SDC1: variants seen among roughly 807,000 people sequenced by gnomAD.
The protein encoded by SDC1 is syndecan 1, also known as syndecan-1.
SDC1 carries 14 observed loss-of-function variants against 29.7 expected under a neutral mutation model. The observed-to-expected ratio is 0.47, with a 90% confidence interval of 0.31 to 0.74. The LOEUF is 0.74. Among genes scored for constraint, SDC1 ranks in the 30% least tolerant of loss-of-function variants. The pLI is 0.05. For synonymous variants in SDC1, 204 were observed against 175.5 expected (o/e 1.16, Z -1.29); for missense variants, 406 against 400.3 (o/e 1.01, Z -0.12).
chr2:20,204,364 G>T lies in SDC1; in HGVS notation c.149-73C>A. On this transcript the variant is annotated intron_variant, in intron 2 of 4. Coordinates refer to ENST00000254351, the MANE Select transcript of SDC1 (RefSeq NM_002997.5). ...GACCAGAAGCAGAGTGTGTTGGGTGGGTCGGGGGAGGCTCCAGAGCACCTG... is the reference window on the plus strand; with the variant it reads ...GACCAGAAGCAGAGTGTGTTGGGTGTGTCGGGGGAGGCTCCAGAGCACCTG... 4 of 952,698 alleles carry T rather than the reference G, an allele frequency of 4.2e-6. No individual in the cohort carries two copies. The South Asian group carries it at 4.3e-5, about 10-fold the overall frequency. 59.0% of individuals were successfully genotyped at this position (952,698 alleles called of 1,614,324 possible). A position where few individuals can be genotyped will look rare whatever the true frequency, so the allele number is the denominator to read the frequency against.
intron 1 of SDC1, among the ~76,000 whole-genome samples, chr2:20,218,341 A>AG (rs1558437710): frequency 6.6e-6 from 1 of 152,226 alleles, no homozygotes; most frequent in African/African-American, 2.4e-5. Context: ...AAAAGAGAAA[A>AG]GGCCACCAGC....
chr2:20,213,274 C>T (rs1299442450), intron 1 of SDC1, among the ~76,000 whole-genome samples: 1 of 152,136 alleles, frequency 6.6e-6, no homozygotes, highest in African/African-American at 2.4e-5. Flanking sequence ...CCTCTGCTTT[C>T]CCCCCCTGGC....
intron 3 of SDC1, 99 bp from the exon 4 acceptor site, chr2:20,203,321 C>T: frequency 1.4e-6 from 2 of 1,387,528 alleles, no homozygotes; most frequent in Middle Eastern, 2.1e-4. Flanking sequence ...CCTCCCTGAT[C>T]TTTGCCACCA....
chr2:20,207,080 C>T (rs950474239), intron 1 of SDC1, among the ~76,000 whole-genome samples: 11 of 152,228 alleles, frequency 7.2e-5, no homozygotes, highest in Non-Finnish European at 1.5e-4. Context: ...GCCCTGGCCA[C>T]AGGCCCACGG....
At chr2:20,211,249 G>T (rs975548392) in intron 1 of SDC1, among the ~76,000 whole-genome samples, 2 of 152,156 alleles carry the variant, frequency 1.3e-5, no homozygotes, top group Non-Finnish European at 2.9e-5. Flanking sequence ...GTCCTGTAGG[G>T]GGTCTTCAGA....
chr2:20,224,895 G>A lies in SDC1; in HGVS notation c.-28C>T, dbSNP rs1032320454. ...TGCCCGGACCGGCGGCGGGAGAGCG[G>A]CAGGCTGCGCGGGTCGCGGCTGCGG... On this transcript the variant is annotated 5_prime_UTR_variant, in exon 1 of 5. Transcript: ENST00000254351. The surrounding 1 kb of genome is among the most constrained non-coding windows in gnomAD (Gnocchi z 4.9). 8.3e-7 allele frequency: 1 copy of A among 1,211,356 alleles called. No individual in the cohort carries two copies. The highest frequency in any genetic ancestry group is 4.1e-5 in the South Asian group (1 of 24,572). The allele number at this position is 1,211,356 out of a possible 1,614,324, so 75.0% of individuals were successfully genotyped here. A position where few individuals can be genotyped will look rare whatever the true frequency, so the allele number is the denominator to read the frequency against.
intron 1 of SDC1, among the ~76,000 whole-genome samples, chr2:20,207,189 G>A (rs979444178): frequency 6.6e-6 from 1 of 152,256 alleles, no homozygotes; most frequent in Non-Finnish European, 1.5e-5. Flanking sequence ...GAGGCTCCAC[G>A]TCCAGGGGCC....
At chr2:20,222,434 G>C (rs764880665) in intron 1 of SDC1, among the ~76,000 whole-genome samples, 4 of 152,232 alleles carry the variant, frequency 2.6e-5, no homozygotes, top group Non-Finnish European at 4.4e-5. Context: ...TTCACTGTAA[G>C]AGGAAGAGGG....
At chr2:20,218,846 C>G (rs1677722322) in intron 1 of SDC1, among the ~76,000 whole-genome samples, 1 of 152,120 alleles carries the variant, frequency 6.6e-6, no homozygotes, top group Non-Finnish European at 1.5e-5. Flanking sequence ...CACACACACA[C>G]ACAGCATCTC....
chr2:20,203,312 C>T (rs888251200), intron 3 of SDC1, 90 bp from the exon 4 acceptor site: 1 of 1,432,908 alleles, frequency 7.0e-7, no homozygotes, highest in African/African-American at 1.4e-5. Flanking sequence ...CAGCTCCTGC[C>T]TCCCTGATCT....
intron 1 of SDC1, among the ~76,000 whole-genome samples, chr2:20,211,803 T>C (rs575400788): frequency 1.3e-5 from 2 of 152,384 alleles, no homozygotes; most frequent in East Asian, 3.9e-4. Flanking sequence ...CCAGTCCCAC[T>C]GCCTTCCGAA....
intron 1 of SDC1, among the ~76,000 whole-genome samples, chr2:20,217,750 T>G (rs1677676680): frequency 1.3e-5 from 2 of 152,198 alleles, no homozygotes; most frequent in South Asian, 4.1e-4. Flanking sequence ...ACTCAGCTGA[T>G]GAGTGGACTG....
rs959855064 is a variant in SDC1 at position 20,200,949 on chromosome 2, G to A, written c.*1817C>T. 1 of 152,270 alleles carries A rather than the reference G, an allele frequency of 6.6e-6. No individual in the cohort carries two copies. The highest frequency in any genetic ancestry group is 2.1e-4 in the South Asian group (1 of 4,824). The allele number at this position is 152,270 out of a possible 1,614,324, so 9.4% of individuals were successfully genotyped here. On this transcript the variant is annotated 3_prime_UTR_variant, in exon 5 of 5. Coordinates refer to ENST00000254351, the MANE Select transcript of SDC1 (RefSeq NM_002997.5). ...TGCAGTCATACACTCCAGGCAGAAA[G>A]TCGCAGTATCGAATACCGGACACAG...
chr2:20,220,634 A>G (rs1444594104), intron 1 of SDC1, among the ~76,000 whole-genome samples: 1 of 152,244 alleles, frequency 6.6e-6, no homozygotes, highest in African/African-American at 2.4e-5. Context: ...TGAAATGAAT[A>G]CGCAAATGAC....
At chr2:20,205,699 T>G (rs1437034006) in intron 1 of SDC1, among the ~76,000 whole-genome samples, 1 of 151,988 alleles carries the variant, frequency 6.6e-6, no homozygotes, top group East Asian at 1.9e-4. Flanking sequence ...AAGCTCAGTC[T>G]GGTGAGGGAG....
chr2:20,216,369 G>A (rs995409749), intron 1 of SDC1, among the ~76,000 whole-genome samples: 1 of 152,148 alleles, frequency 6.6e-6, no homozygotes, highest in Non-Finnish European at 1.5e-5. Context: ...ACCCCATCCT[G>A]GAAGAGATAT....
At chr2:20,203,672 G>T (rs1677125285) in intron 3 of SDC1, 141 bp downstream of exon 3, 1 of 692,012 alleles carries the variant, frequency 1.4e-6, no homozygotes, top group Non-Finnish European at 2.5e-6. Context: ...AGGCCCTGGG[G>T]GTAGGGGAAG....
rs1677910581 is a variant in SDC1 at position 20,224,067 on chromosome 2, G to T, written c.66+735C>A. The T allele has an allele frequency of 6.9e-6, 2 of 289,232 alleles. No individual in the cohort carries two copies. Among genetic ancestry groups the T allele is most frequent in the Admixed American group, 4.4e-5 (1 of 22,910 alleles). 17.9% of individuals were successfully genotyped at this position (289,232 alleles called of 1,614,324 possible). A position where few individuals can be genotyped will look rare whatever the true frequency, so the allele number is the denominator to read the frequency against. On this transcript the variant is annotated intron_variant, in intron 1 of 4. Transcript: ENST00000254351. This position sits in a 1 kb window ranked among gnomAD's most constrained non-coding sequence, Gnocchi z 4.9. ...GGCGCCTGCGCCTCGGCCGTGCCCGGCACGGGAACGCGCCCTCCGGGGCCA... is the reference window on the plus strand; with the variant it reads ...GGCGCCTGCGCCTCGGCCGTGCCCGTCACGGGAACGCGCCCTCCGGGGCCA...
In SDC1 at chr2:20,204,141, T is replaced by C. The variant is rs1187547595; in HGVS notation, c.299A>G (p.Lys100Arg). The C allele has an allele frequency of 6.2e-7, 1 of 1,603,442 alleles. No homozygotes were observed. The highest frequency in any genetic ancestry group is 2.2e-5 in the East Asian group (1 of 44,848). Residue 100 changes from lysine (K) to arginine (R), a missense_variant, in exon 3 of 5, where the codon AAG (lysine) becomes AGG (arginine). Transcript: ENST00000254351. ...TSTLPAGEGP[K>R]EGEAVVLPEV... ...TGGCAGGACTACAGCCTCTCCCTCC[T>C]TGGGCCCCTCTCCAGCCGGCAGGGT...
Sources: gnomAD v4.1 joint callset for allele counts (sites outside exome capture counted in the v4.1 genomes callset) on GRCh38, gnomAD v4.1.1 for gene constraint, Gnocchi (gnomAD v3.1) non-coding constraint, MANE v1.5 for transcripts, NCBI Gene and HGNC (gene_info 2026-07-23, HGNC 2026-07-21) for gene names.